Variants in MAP2 observed in about 807,000 individuals in gnomAD.
MAP2 encodes the protein microtubule associated protein 2.
MAP2 carries 14 observed loss-of-function variants against 137.6 expected under a neutral mutation model. That is an observed-to-expected ratio of 0.10 (90% CI 0.07 to 0.16). The LOEUF (loss-of-function observed/expected upper bound fraction) is 0.16. Among genes scored for constraint, MAP2 ranks in the 10% least tolerant of loss-of-function variants. The pLI is 1.00. For synonymous variants in MAP2, 786 were observed against 782.3 expected (o/e 1.00, Z -0.08); for missense variants, 2,088 against 2,191.5 (o/e 0.95, Z 0.94).
chr2:209,660,935 A>G (rs1392153133), intron 5 of MAP2, among the ~76,000 whole-genome samples: 1 of 137,454 alleles, frequency 7.3e-6, no homozygotes, highest in African/African-American at 2.7e-5. Flanking sequence ...TAGTAGAGAC[A>G]GGGTTTCACT....
intron 4 of MAP2, among the ~76,000 whole-genome samples, chr2:209,648,621 CAAAAA>C (rs1228232293): frequency 3.9e-4 from 20 of 51,056 alleles, no homozygotes; most frequent in African/African-American, 9.6e-4. Context: ...ACTAAAAATA[CAAAAA>C]AAAAAAAAAA....
intron 3 of MAP2, among the ~76,000 whole-genome samples, chr2:209,618,617 CA>C (rs1273374415): frequency 5.3e-5 from 8 of 152,040 alleles, no homozygotes; most frequent in Admixed American, 3.9e-4. Context: ...TGGCTGTTAT[CA>C]AAAAGACAAT....
intron 4 of MAP2, among the ~76,000 whole-genome samples, chr2:209,639,484 C>T (rs1186803431): frequency 6.6e-6 from 1 of 152,140 alleles, no homozygotes; most frequent in African/African-American, 2.4e-5. Flanking sequence ...CAGTTCCTTT[C>T]AAACAACTGT....
chr2:209,652,987 T>G (rs1212367321), intron 4 of MAP2, among the ~76,000 whole-genome samples, 155 bp from the exon 5 acceptor site: 4 of 152,224 alleles, frequency 2.6e-5, no homozygotes, highest in Non-Finnish European at 5.9e-5. Context: ...ATGAACTAAT[T>G]GACCCATTCT....
At chr2:209,471,528 G>A (rs1345584546) in intron 1 of MAP2, among the ~76,000 whole-genome samples, 1 of 151,944 alleles carries the variant, frequency 6.6e-6, no homozygotes, top group Non-Finnish European at 1.5e-5. Context: ...TAAAATTGTA[G>A]GTAAATTTGG....
chr2:209,729,634 C>T (rs2075351777), intron 14 of MAP2, among the ~76,000 whole-genome samples: 1 of 152,056 alleles, frequency 6.6e-6, no homozygotes, highest in East Asian at 1.9e-4. Context: ...TGAAGCAATC[C>T]ATATAATAGT....
At chr2:209,425,057 A>G (rs1559145316) in intron 1 of MAP2, among the ~76,000 whole-genome samples, 1 of 151,902 alleles carries the variant, frequency 6.6e-6, no homozygotes, top group African/African-American at 2.4e-5. Context: ...AAATTTCAAG[A>G]AAGAGTGTGT....
chr2:209,549,082 G>A (rs1313429469), intron 2 of MAP2, among the ~76,000 whole-genome samples: 1 of 152,132 alleles, frequency 6.6e-6, no homozygotes, highest in Non-Finnish European at 1.5e-5. Flanking sequence ...GCTGCTACAT[G>A]TTCAGCCGTC....
At chr2:209,666,818 G>A (rs2046523944) in intron 5 of MAP2, among the ~76,000 whole-genome samples, 1 of 151,146 alleles carries the variant, frequency 6.6e-6, no homozygotes, top group Non-Finnish European at 1.5e-5. Context: ...TTTTTTTGAT[G>A]TGAAGAAAAA....
At chr2:209,542,017 A>G (rs1406519678) in intron 2 of MAP2, among the ~76,000 whole-genome samples, 1 of 152,204 alleles carries the variant, frequency 6.6e-6, no homozygotes, top group African/African-American at 2.4e-5. Context: ...GCCCATATCC[A>G]TCAGAGGATG....
chr2:209,462,635 C>T (rs1014168978), intron 1 of MAP2, among the ~76,000 whole-genome samples: 6 of 152,256 alleles, frequency 3.9e-5, no homozygotes, highest in African/African-American at 1.4e-4. Flanking sequence ...TTTGGATGTT[C>T]TCTTCCACAA....
chr2:209,730,382 T>G lies in MAP2; in HGVS notation c.5469T>G (p.Ala1823=). The change falls in exon 16 of 16, where the codon GCT becomes GCG. Residue 1823 remains alanine (A), a synonymous_variant. Transcript: ENST00000682079. ...CTGAGGATGTCACTGCTGCACTCGC[T>G]AAGCAGGGCTTGTGAATATTTCTCA... is the stretch of plus-strand genomic sequence containing the variant. ...TLAEDVTAAL[A]KQGL 6.2e-7 allele frequency: 1 copy of G among 1,613,492 alleles called. No homozygotes were observed. The highest frequency in any genetic ancestry group is 8.5e-7 in the Non-Finnish European group (1 of 1,179,550).
rs1181623563 is a variant in MAP2, at chr2:209,732,000, A to G, written c.*1603A>G. The G allele has an allele frequency of 6.6e-6, 1 of 152,232 alleles. No homozygotes were observed. The highest frequency in any genetic ancestry group is 2.4e-5 in the African/African-American group (1 of 41,460). The allele number at this position is 152,232 out of a possible 1,614,324, so 9.4% of individuals were successfully genotyped here. ...ACAAATCATTCATCTTAGACTTACAAATAAGGAATGAAATAGTCAATGGCC... is the reference window on the plus strand; with the variant it reads ...ACAAATCATTCATCTTAGACTTACAGATAAGGAATGAAATAGTCAATGGCC... On this transcript the variant is annotated 3_prime_UTR_variant, in exon 16 of 16. Transcript: ENST00000682079.
intron 2 of MAP2, among the ~76,000 whole-genome samples, chr2:209,563,876 A>G (rs1369921634): frequency 2.6e-5 from 4 of 152,208 alleles, no homozygotes; most frequent in African/African-American, 9.6e-5. Context: ...CACAAACATC[A>G]AGTGCAAAAC....
intron 2 of MAP2, among the ~76,000 whole-genome samples, chr2:209,527,291 A>G (rs2064213897): frequency 6.6e-6 from 1 of 152,072 alleles, no homozygotes; most frequent in Non-Finnish European, 1.5e-5. Flanking sequence ...TTGTACAATT[A>G]ATTATTGTTT....
chr2:209,641,160 G>A (rs1254582699), intron 4 of MAP2, among the ~76,000 whole-genome samples: 1 of 152,030 alleles, frequency 6.6e-6, no homozygotes, highest in Non-Finnish European at 1.5e-5. Context: ...CTGTGGTGGT[G>A]CAAATACTTA....
chr2:209,556,156 T>A (rs1168871779), intron 2 of MAP2, among the ~76,000 whole-genome samples: 1 of 148,526 alleles, frequency 6.7e-6, no homozygotes, highest in Non-Finnish European at 1.5e-5. Context: ...TCCTCCTACC[T>A]CAGCCTCCCA....
chr2:209,676,720 C>CATT lies in MAP2; in HGVS notation c.263-1850_263-1849insTAT, dbSNP rs1229613463. 4.2e-5 allele frequency among the ~76,000 whole-genome samples: 3 copies of CATT among 71,836 alleles called. No individual in the cohort carries two copies. The Admixed American group carries it at 4.4e-4, about 11-fold the overall frequency. 47.1% of individuals were successfully genotyped at this position (71,836 alleles called of 152,430 possible). On this transcript the variant is annotated intron_variant, in intron 5 of 15. Transcript: ENST00000682079. ...GGAATGATCCAGAAGACACAAAGGT[C>CATT]ATATATATATATATATATATATATA... is the stretch of plus-strand genomic sequence containing the variant.
At chr2:209,448,622 C>G (rs755991280) in intron 1 of MAP2, among the ~76,000 whole-genome samples, 2 of 152,112 alleles carry the variant, frequency 1.3e-5, no homozygotes, top group African/African-American at 2.4e-5. Context: ...CATTCCTTGC[C>G]TCTTCTAATT....
Sources: gnomAD v4.1 joint callset for allele counts (sites outside exome capture counted in the v4.1 genomes callset) on GRCh38, gnomAD v4.1.1 for gene constraint, MANE v1.5 for transcripts, NCBI Gene and HGNC (gene_info 2026-07-23, HGNC 2026-07-21) for gene names.